PPP2R2A: variants seen among roughly 807,000 people sequenced by gnomAD.
PPP2R2A encodes serine/threonine-protein phosphatase 2A 55 kDa regulatory subunit B alpha isoform.
PPP2R2A carries 9 observed loss-of-function variants against 53.2 expected under a neutral mutation model. That is an observed-to-expected ratio of 0.17 (90% CI 0.10 to 0.30). The LOEUF (loss-of-function observed/expected upper bound fraction) is 0.30, where lower values mean the gene tolerates loss of function less well. Among genes scored for constraint, PPP2R2A ranks in the 10% least tolerant of loss-of-function variants. The probability of loss-of-function intolerance (pLI) is 1.00; values close to 1 mark genes in which losing one functional copy is unlikely to be tolerated. For missense variants in PPP2R2A, 235 were observed against 534.6 expected (o/e 0.44, Z 5.53); for synonymous variants, 169 against 174.2 (o/e 0.97, Z 0.23).
chr8:26,304,033 G>A (rs1801905666), intron 2 of PPP2R2A, among the ~76,000 whole-genome samples: 2 of 152,140 alleles, frequency 1.3e-5, no homozygotes, highest in South Asian at 4.1e-4. Flanking sequence ...TCTGTGGACC[G>A]GTGATCTGGT....
chr8:26,324,879 G>A (rs577494282), intron 2 of PPP2R2A, among the ~76,000 whole-genome samples: 3 of 152,008 alleles, frequency 2.0e-5, no homozygotes, highest in South Asian at 4.2e-4. Flanking sequence ...AGATCATTTC[G>A]GAGCTTTAAA....
chr8:26,332,432 G>A (rs1803436121), intron 2 of PPP2R2A, among the ~76,000 whole-genome samples: 1 of 149,388 alleles, frequency 6.7e-6, no homozygotes, highest in African/African-American at 2.5e-5. Context: ...AAATACTTAA[G>A]CAATTCCTCT....
chr8:26,363,198 G>A (rs1363138560), intron 7 of PPP2R2A: 2 of 139,822 alleles, frequency 1.4e-5, no homozygotes, highest in African/African-American at 5.5e-5. Flanking sequence ...TTCTTCTGAG[G>A]TTTCCTTGGC....
At chr8:26,358,845 C>T in intron 4 of PPP2R2A, 1 of 441,824 alleles carries the variant, frequency 2.3e-6, no homozygotes, top group South Asian at 1.6e-5. Context: ...CAGGAGAATT[C>T]TAAATAAGAC....
chr8:26,296,185 T>C (rs1365530636), intron 2 of PPP2R2A, among the ~76,000 whole-genome samples: 1 of 152,252 alleles, frequency 6.6e-6, no homozygotes, highest in Non-Finnish European at 1.5e-5. Flanking sequence ...CCTGTTTTGC[T>C]TCAAAGTTAA....
intron 2 of PPP2R2A, among the ~76,000 whole-genome samples, chr8:26,312,498 T>TA (rs1168380060): frequency 6.6e-6 from 1 of 152,234 alleles, no homozygotes; most frequent in Non-Finnish European, 1.5e-5. Context: ...GCTTAATTTT[T>TA]TTACTCAGCA....
intron 2 of PPP2R2A, among the ~76,000 whole-genome samples, chr8:26,330,599 C>A (rs566829363): frequency 6.6e-6 from 1 of 152,108 alleles, no homozygotes; most frequent in Non-Finnish European, 1.5e-5. Flanking sequence ...GGATTGCAGG[C>A]GTGAGCCACT....
chr8:26,315,502 C>A (rs1802506044), intron 2 of PPP2R2A, among the ~76,000 whole-genome samples: 1 of 152,182 alleles, frequency 6.6e-6, no homozygotes, highest in Non-Finnish European at 1.5e-5. Flanking sequence ...AGCTTCCTCT[C>A]AAATTGATAC....
chr8:26,336,817 A>G (rs1803687333), intron 2 of PPP2R2A, among the ~76,000 whole-genome samples: 3 of 151,434 alleles, frequency 2.0e-5, no homozygotes, highest in Admixed American at 1.3e-4. Flanking sequence ...GAAGTTCGAC[A>G]TGATTGCACC....
chr8:26,327,381 TAAAAG>T (rs1369523444), intron 2 of PPP2R2A, among the ~76,000 whole-genome samples: 1 of 152,100 alleles, frequency 6.6e-6, no homozygotes, highest in Non-Finnish European at 1.5e-5. Flanking sequence ...TGAAGAGTAT[TAAAAG>T]GAGAGGAAGG....
chr8:26,317,903 T>C (rs1459124806), intron 2 of PPP2R2A, among the ~76,000 whole-genome samples: 1 of 152,210 alleles, frequency 6.6e-6, no homozygotes, highest in South Asian at 2.1e-4. Context: ...CGGTCAGATC[T>C]GGCTCAAATC....
intron 2 of PPP2R2A, among the ~76,000 whole-genome samples, chr8:26,312,438 A>C (rs1320304932): frequency 6.6e-6 from 1 of 152,174 alleles, no homozygotes; most frequent in Admixed American, 6.5e-5. Context: ...CTATACTTTG[A>C]GTGGCAAGGC....
intron 2 of PPP2R2A, among the ~76,000 whole-genome samples, chr8:26,327,684 A>G (rs1332324324): frequency 2.0e-5 from 3 of 152,320 alleles, no homozygotes; most frequent in Admixed American, 6.5e-5. Flanking sequence ...TTTCAGCAAG[A>G]AACTATCATT....
chr8:26,357,165 A>T (rs1328223201), intron 4 of PPP2R2A, among the ~76,000 whole-genome samples: 3 of 152,078 alleles, frequency 2.0e-5, no homozygotes, highest in Non-Finnish European at 2.9e-5. Flanking sequence ...ATATCTGAAA[A>T]ACTATTTGGA....
At position 26,342,286 on chromosome 8, in the gene PPP2R2A, T is replaced by C. The variant is rs531529406; in HGVS notation, c.180+3299T>C. 2.7e-4 allele frequency among the ~76,000 whole-genome samples: 41 copies of C among 152,314 alleles called. 1 individual carries two copies. Among genetic ancestry groups the C allele is most frequent in the Admixed American group, 1.1e-3 (17 of 15,300 alleles). Reference sequence around the variant, plus strand: ...GTGTTCTTTATAGCATGACCCGATATAAGTGACCCATGTTATTTTTATAGC... The same window carrying C: ...GTGTTCTTTATAGCATGACCCGATACAAGTGACCCATGTTATTTTTATAGC... On this transcript the variant is annotated intron_variant, in intron 3 of 9. Transcript: ENST00000380737.
intron 2 of PPP2R2A, among the ~76,000 whole-genome samples, chr8:26,314,760 C>T (rs1406118690): frequency 2.0e-5 from 3 of 152,012 alleles, no homozygotes; most frequent in Middle Eastern, 3.4e-3. Flanking sequence ...TAATTGGACT[C>T]GTACTCATTG....
At chr8:26,349,548 T>C (rs1295989518) in intron 3 of PPP2R2A, among the ~76,000 whole-genome samples, 2 of 152,234 alleles carry the variant, frequency 1.3e-5, no homozygotes. Context: ...TTTAGCTTTT[T>C]TGAGGAATCT....
intron 1 of PPP2R2A, chr8:26,292,206 C>G (rs939995942): frequency 7.3e-6 from 8 of 1,099,894 alleles, no homozygotes; most frequent in Non-Finnish European, 8.9e-6. Flanking sequence ...TCCTGCAGGT[C>G]TTCATTTAAT....
chr8:26,363,647 G>T, intron 7 of PPP2R2A, 74 bp from the exon 8 acceptor site: 1 of 1,288,106 alleles, frequency 7.8e-7, no homozygotes, highest in East Asian at 2.6e-5. Flanking sequence ...GTGAATGGTT[G>T]TTTAGGAAAT....
Sources: allele counts gnomAD v4.1 joint callset (sites outside exome capture counted in the v4.1 genomes callset), GRCh38; gene constraint gnomAD v4.1.1; transcripts MANE v1.5; gene names NCBI Gene and HGNC (gene_info 2026-07-23, HGNC 2026-07-21).